HERC1: variants seen among roughly 807,000 people sequenced by gnomAD.
The protein encoded by HERC1 is HECT and RLD domain containing E3 ubiquitin protein ligase family member 1.
A neutral mutation model predicts 554.3 loss-of-function variants in HERC1; 160 were observed. That is an observed-to-expected ratio of 0.29 (90% CI 0.25 to 0.33). HERC1 has a LOEUF of 0.33. Ranked by LOEUF, HERC1 falls within the 10% of genes least tolerant of loss-of-function variation. The probability of loss-of-function intolerance (pLI) is 1.00; values close to 1 mark genes in which losing one functional copy is unlikely to be tolerated. For synonymous variants in HERC1, 2,175 were observed against 2,131.7 expected (o/e 1.02, Z -0.56); for missense variants, 4,919 against 5,918.5 (o/e 0.83, Z 5.54).
intron 1 of HERC1, among the ~76,000 whole-genome samples, chr15:63,821,726 CAA>C (rs35074987): frequency 0.031 from 1,930 of 62,496 alleles, 11 homozygotes; most frequent in Non-Finnish European, 0.042. Context: ...TACCCTGTCT[CAA>C]AAAAAAAAAA....
At position 63,613,563 on chromosome 15, in the gene HERC1, T is replaced by C. The variant is rs188508864; in HGVS notation, c.14095-1007A>G. Among the ~76,000 whole-genome samples the C allele has an allele frequency of 3.2e-3, 481 of 152,278 alleles. 2 individuals are homozygous for C. The highest frequency in any genetic ancestry group is 5.6e-3 in the Non-Finnish European group (379 of 68,018). ...TAAGGAAGTGAGTAACTATGTGAGG[T>C]GATGGATATGTTAATTTGCTTCACT... is the stretch of plus-strand genomic sequence containing the variant. On this transcript the variant is annotated intron_variant, in intron 76 of 77. Transcript: ENST00000443617.
chr15:63,641,563 C>A lies in HERC1; in HGVS notation c.11514G>T (p.Gln3838His). 6.2e-7 allele frequency: 1 copy of A among 1,609,956 alleles called. No homozygotes were observed. The highest frequency in any genetic ancestry group is 1.3e-5 in the African/African-American group (1 of 75,010). Residue 3838 changes from glutamine (Q) to histidine (H), a missense_variant, in exon 60 of 78, where the codon CAG (glutamine) becomes CAT (histidine). Around this residue, in one of 11 missense-constraint regions of HERC1, gnomAD observed 1,963 missense variants for 2,228.6 expected, o/e 0.88. Coordinates refer to ENST00000443617, the MANE Select transcript of HERC1 (RefSeq NM_003922.4). ...CCATGTTCAATCCCAGAACACCCTG[C>A]TGTTTCAATGCTGTCCTACAGGTTG... Reference protein sequence around the residue: ...VLATCRTALKQQGVLGLNMAP... With the variant: ...VLATCRTALKHQGVLGLNMAP...
chr15:63,675,402 C>G (rs938795015), intron 37 of HERC1, among the ~76,000 whole-genome samples: 2 of 152,130 alleles, frequency 1.3e-5, no homozygotes, highest in South Asian at 4.1e-4. Flanking sequence ...AGGGGCCAGA[C>G]AGGAAATATT....
rs1595928633 is a variant in HERC1, at chr15:63,667,793, G to A, written c.8207-1321C>T. 2.0e-5 allele frequency among the ~76,000 whole-genome samples: 3 copies of A among 152,278 alleles called. 1 individual carries two copies. The East Asian group carries it at 5.8e-4, about 29-fold the overall frequency. ...AGTACAGTTGACTCTTGAACAACAT[G>A]GGTTTGTACTGCTCGGGTCCACTTA... On this transcript the variant is annotated intron_variant, in intron 40 of 77. Coordinates refer to ENST00000443617, the MANE Select transcript of HERC1 (RefSeq NM_003922.4).
At chr15:63,764,779 C>A (rs1438684645) in intron 2 of HERC1, among the ~76,000 whole-genome samples, 1 of 152,132 alleles carries the variant, frequency 6.6e-6, no homozygotes, top group Non-Finnish European at 1.5e-5. Flanking sequence ...CTGCAGCCAG[C>A]ACCAGGGAAA....
In HERC1 at chr15:63,694,172, AG is replaced by A. The variant is rs1343168734; in HGVS notation, c.5481-16del. The A allele has an allele frequency of 6.3e-7, 1 of 1,580,484 alleles. No individual in the cohort carries two copies. The highest frequency in any genetic ancestry group is 1.2e-5 in the South Asian group (1 of 85,962). ...CAGCATAGGTCCTATGTGAAATAAA[AG>A]AAAAAAATAAGTGGCAAACACACAG... On this transcript the variant is annotated splice_polypyrimidine_tract_variant and intron_variant, in intron 29 of 77. Coordinates refer to ENST00000443617, the MANE Select transcript of HERC1 (RefSeq NM_003922.4). The surrounding 1 kb of genome is among the most constrained non-coding windows in gnomAD (Gnocchi z 4.3).
chr15:63,632,883 T>G lies in HERC1; in HGVS notation c.12694-72A>C, dbSNP rs1054428705. On this transcript the variant is annotated intron_variant, in intron 67 of 77. Coordinates refer to ENST00000443617, the MANE Select transcript of HERC1 (RefSeq NM_003922.4). ...TCACTCTTGAATTTGCCTAATGGCA[T>G]GTATCAAGAACTACCTTCCAACAAA... 3.9e-6 allele frequency: 4 copies of G among 1,034,340 alleles called. No individual in the cohort carries two copies. The African/African-American group carries it at 4.8e-5, about 12-fold the overall frequency. 64.1% of individuals were successfully genotyped at this position (1,034,340 alleles called of 1,614,324 possible). A position where few individuals can be genotyped will look rare whatever the true frequency, so the allele number is the denominator to read the frequency against.
chr15:63,768,432 G>T (rs1230675245), intron 2 of HERC1, among the ~76,000 whole-genome samples: 1 of 152,202 alleles, frequency 6.6e-6, no homozygotes, highest in Non-Finnish European at 1.5e-5. Context: ...CATATCAGAA[G>T]CTAAGTGTTT....
intron 69 of HERC1, 112 bp downstream of exon 69, chr15:63,630,354 G>C: frequency 9.5e-7 from 1 of 1,057,022 alleles, no homozygotes; most frequent in Non-Finnish European, 1.4e-6. Context: ...AAAGTGATGT[G>C]CTTGGAGTAT....
intron 1 of HERC1, among the ~76,000 whole-genome samples, chr15:63,797,973 A>G (rs1287729150): frequency 2.6e-5 from 4 of 152,184 alleles, no homozygotes; most frequent in Admixed American, 2.6e-4. Flanking sequence ...CTGCCCCATA[A>G]TATCACTCCC....
intron 50 of HERC1, among the ~76,000 whole-genome samples, chr15:63,654,618 C>A (rs1235660967): frequency 6.6e-6 from 1 of 151,226 alleles, no homozygotes; most frequent in East Asian, 1.9e-4. Flanking sequence ...TTTGGGAGGC[C>A]AAGGTGGGAG....
At chr15:63,813,201 G>C (rs1363252988) in intron 1 of HERC1, among the ~76,000 whole-genome samples, 4 of 152,188 alleles carry the variant, frequency 2.6e-5, no homozygotes, top group Non-Finnish European at 4.4e-5. Context: ...ATTTGCTAAA[G>C]AATCTACAGG....
rs912501348 is a variant in HERC1, at chr15:63,729,383, AG to A, written c.3022-16del. The A allele has an allele frequency of 3.8e-6, 6 of 1,591,154 alleles. No homozygotes were observed. Among genetic ancestry groups the A allele is most frequent in the Admixed American group, 1.9e-5 (1 of 53,582 alleles). Reference sequence around the variant, plus strand: ...CTGCTTGAGTTCTAAGAAGAAAAAAAGTTCCTAAATTACTACTTTGAAAGAT... The same window carrying A: ...CTGCTTGAGTTCTAAGAAGAAAAAAATTCCTAAATTACTACTTTGAAAGAT... On this transcript the variant is annotated splice_polypyrimidine_tract_variant and intron_variant, in intron 15 of 77. Transcript: ENST00000443617.
chr15:63,661,714 T>G, intron 45 of HERC1, 39 bp downstream of exon 45: 1 of 1,597,966 alleles, frequency 6.3e-7, no homozygotes, highest in Middle Eastern at 1.7e-4. Context: ...GTATGAGGTA[T>G]CTTCAGGAGG....
At chr15:63,681,354 A>C (rs1317943716) in intron 34 of HERC1, among the ~76,000 whole-genome samples, 7 of 152,122 alleles carry the variant, frequency 4.6e-5, no homozygotes, top group Non-Finnish European at 1.0e-4. Flanking sequence ...GGTGTACACC[A>C]TCATGCCTGG....
At chr15:63,824,399 T>C (rs894026139) in intron 1 of HERC1, among the ~76,000 whole-genome samples, 1 of 151,852 alleles carries the variant, frequency 6.6e-6, no homozygotes, top group Non-Finnish European at 1.5e-5. Context: ...CCGGGTGTGG[T>C]GGCAGGCACC....
chr15:63,810,809 T>C (rs2077281711), intron 1 of HERC1, among the ~76,000 whole-genome samples: 1 of 152,184 alleles, frequency 6.6e-6, no homozygotes, highest in Non-Finnish European at 1.5e-5. Context: ...AGTCACCACC[T>C]TAAGCAATCA....
At position 63,692,590 on chromosome 15, in the gene HERC1, G is replaced by A. The variant is rs755725767; in HGVS notation, c.5675-24C>T. ...AGCTACAGTGAAGAGACAAGTTTAC[G>A]TTACAACCAAGAGCCAACAAGAAAT... On this transcript the variant is annotated intron_variant, in intron 30 of 77. Transcript: ENST00000443617. The surrounding 1 kb of genome is among the most constrained non-coding windows in gnomAD (Gnocchi z 4.7). 7.6e-6 allele frequency: 12 copies of A among 1,571,696 alleles called. No individual in the cohort carries two copies. The highest frequency in any genetic ancestry group is 2.7e-5 in the African/African-American group (2 of 73,014).
intron 47 of HERC1, among the ~76,000 whole-genome samples, chr15:63,659,137 A>G (rs1299548590): frequency 6.6e-6 from 1 of 152,240 alleles, no homozygotes; most frequent in Non-Finnish European, 1.5e-5. Flanking sequence ...AGAAGACTGC[A>G]CAATAATTTT....
Sources: gnomAD v4.1 joint callset for allele counts (sites outside exome capture counted in the v4.1 genomes callset) on GRCh38, gnomAD v4.1.1 for gene constraint, gnomAD v4.1.1 regional missense constraint, Gnocchi (gnomAD v3.1) non-coding constraint, MANE v1.5 for transcripts, NCBI Gene and HGNC (gene_info 2026-07-23, HGNC 2026-07-21) for gene names.